The following ZFR2 variants were observed in gnomAD, a reference collection of about 807,000 sequenced individuals.
ZFR2 encodes the protein zinc finger RNA-binding protein 2.
A neutral mutation model predicts 105.7 loss-of-function variants in ZFR2; 104 were observed. The observed-to-expected ratio is 0.98, with a 90% CI of 0.84 to 1.16. ZFR2 has a LOEUF of 1.16. ZFR2 is among the 50% of genes most tolerant of loss of function. The probability of loss-of-function intolerance (pLI) is 0.00; values close to 1 mark genes in which losing one functional copy is unlikely to be tolerated. For synonymous variants in ZFR2, 634 were observed against 597.7 expected, an observed-to-expected ratio of 1.06 and a Z score of -0.89; for missense variants, 1,425 against 1,355.5, an observed-to-expected ratio of 1.05 and a Z score of -0.80.
chr19:3,810,149 G>A (rs1490249571), intron 16 of ZFR2, among the ~76,000 whole-genome samples: 1 of 152,144 alleles, frequency 6.6e-6, no homozygotes, highest in Non-Finnish European at 1.5e-5. Context: ...TCCAGCATGA[G>A]ATGGGGGACG....
chr19:3,843,696 G>T (rs12608496), intron 1 of ZFR2, among the ~76,000 whole-genome samples: 22,636 of 151,432 alleles, frequency 0.15, 2,028 homozygotes, highest in East Asian at 0.26. Flanking sequence ...TTAGCTGGGC[G>T]TGGTGGCGGG....
chr19:3,831,069 ACACACATATG>A (rs1211500833), intron 5 of ZFR2, among the ~76,000 whole-genome samples: 4 of 151,970 alleles, frequency 2.6e-5, no homozygotes, highest in Non-Finnish European at 5.9e-5. Flanking sequence ...TCACGTTTGC[ACACACATATG>A]CACACATATA....
rs762803107 is a variant in ZFR2 at position 3,835,026 on chromosome 19, G to A, written c.54-43C>T. ...CACCAAAGCCCCACCAGGTTAGAGC[G>A]AGTTCTCAGGTGCACTGAGTTGACG... On this transcript the variant is annotated intron_variant, in intron 1 of 18. Coordinates refer to ENST00000262961, the MANE Select transcript of ZFR2 (RefSeq NM_015174.2). The A allele has an allele frequency of 2.8e-5, 44 of 1,565,792 alleles. No individual in the cohort carries two copies. The South Asian group carries it at 4.1e-4, about 14-fold the overall frequency.
intron 1 of ZFR2, among the ~76,000 whole-genome samples, chr19:3,850,316 G>A (rs978333403): frequency 1.3e-5 from 2 of 152,076 alleles, no homozygotes; most frequent in African/African-American, 2.4e-5. Context: ...TGGGTGCTGA[G>A]GGACAGAGGT....
chr19:3,820,447 A>G (rs1380663168), intron 10 of ZFR2, among the ~76,000 whole-genome samples, 157 bp from the exon 11 acceptor site: 1 of 152,194 alleles, frequency 6.6e-6, no homozygotes, highest in African/African-American at 2.4e-5. Flanking sequence ...TGCTGTATGC[A>G]CAGAAGACTG....
At chr19:3,867,993 C>T (rs2038452411) in intron 1 of ZFR2, among the ~76,000 whole-genome samples, 1 of 151,900 alleles carries the variant, frequency 6.6e-6, no homozygotes, top group African/African-American at 2.4e-5. Context: ...TGTTGCTGCC[C>T]CCTGCCCAGT....
At chr19:3,831,943 G>T in intron 3 of ZFR2, 65 bp from the exon 4 acceptor site, 1 of 1,370,776 alleles carries the variant, frequency 7.3e-7, no homozygotes, top group Non-Finnish European at 9.7e-7. Flanking sequence ...ACCTGCAGAT[G>T]GGCCCTGGAC....
rs1244808449 is a variant in ZFR2, at chr19:3,823,138, G to A, written c.1371+108C>T. The A allele has an allele frequency of 2.3e-5, 35 of 1,503,348 alleles. No individual in the cohort carries two copies. The highest frequency in any genetic ancestry group is 3.0e-5 in the Non-Finnish European group (33 of 1,094,900). 93.1% of individuals were successfully genotyped at this position (1,503,348 alleles called of 1,614,324 possible). On this transcript the variant is annotated intron_variant, in intron 8 of 18. Transcript: ENST00000262961. This position sits in a 1 kb window ranked among gnomAD's most constrained non-coding sequence, Gnocchi z 5.4. ...CTGGCCTGTGCAGCTCAGGAACGGG[G>A]ATGGGTCTGTAAATCTCGCTGGGAG...
chr19:3,822,050 C>G (rs893824513), intron 9 of ZFR2, 31 bp downstream of exon 9: 1 of 1,567,660 alleles, frequency 6.4e-7, no homozygotes, highest in African/African-American at 1.4e-5. Flanking sequence ...ACAGCCCGGA[C>G]GGGTGTCGGA....
chr19:3,823,139 A>T lies in ZFR2; in HGVS notation c.1371+107T>A. 6.6e-7 allele frequency: 1 copy of T among 1,506,670 alleles called. No individual in the cohort carries two copies. The highest frequency in any genetic ancestry group is 1.2e-5 in the South Asian group (1 of 86,190). 93.3% of individuals were successfully genotyped at this position (1,506,670 alleles called of 1,614,324 possible). On this transcript the variant is annotated intron_variant, in intron 8 of 18. Coordinates refer to ENST00000262961, the MANE Select transcript of ZFR2 (RefSeq NM_015174.2). The surrounding 1 kb of genome is among the most constrained non-coding windows in gnomAD (Gnocchi z 5.4). ...TGGCCTGTGCAGCTCAGGAACGGGG[A>T]TGGGTCTGTAAATCTCGCTGGGAGA...
At chr19:3,812,995 G>A (rs746807277) in intron 14 of ZFR2, among the ~76,000 whole-genome samples, 37 of 152,266 alleles carry the variant, frequency 2.4e-4, no homozygotes, top group African/African-American at 6.3e-4. Flanking sequence ...CAGGAGAATC[G>A]CTTGAACCCA....
Position 3,831,717 on chromosome 19 carries a change from A to G in ZFR2, c.541T>C (p.Ser181Pro). 6.3e-7 allele frequency: 1 copy of G among 1,597,112 alleles called. No homozygotes were observed. The highest frequency in any genetic ancestry group is 1.1e-5 in the South Asian group (1 of 88,186). Reference protein sequence around the residue: ...ATGVQPESSASIVTSYPPPSY... With the variant: ...ATGVQPESSAPIVTSYPPPSY... ...GGCGGGGGGTAGGAGGTCACGATGGAAGCTGACGACTCGGGCTGGACGCCT... is the reference window on the plus strand; with the variant it reads ...GGCGGGGGGTAGGAGGTCACGATGGGAGCTGACGACTCGGGCTGGACGCCT... The change falls in exon 4 of 19, where the codon TCC (serine) becomes CCC (proline). Residue 181 changes from serine (S) to proline (P), a missense_variant. Ser to Pro is a moderately conservative substitution (Grantham distance 74). Transcript: ENST00000262961.
In ZFR2 at chr19:3,805,887, C is replaced by T. The variant is rs1011031116; in HGVS notation, c.*62G>A. 3.5e-6 allele frequency: 5 copies of T among 1,425,100 alleles called. No homozygotes were observed. Among genetic ancestry groups the T allele is most frequent in the East Asian group, 2.8e-5 (1 of 36,116 alleles). The allele number at this position is 1,425,100 out of a possible 1,614,324, so 88.3% of individuals were successfully genotyped here. ...CGTCGGGGATGAAGCAGCCATTGGTCGGCGCGCACACGTCCAGGAGTGCAG... is the reference window on the plus strand; with the variant it reads ...CGTCGGGGATGAAGCAGCCATTGGTTGGCGCGCACACGTCCAGGAGTGCAG... On this transcript the variant is annotated 3_prime_UTR_variant, in exon 19 of 19. Coordinates refer to ENST00000262961, the MANE Select transcript of ZFR2 (RefSeq NM_015174.2).
rs543644769 is a variant in ZFR2, at chr19:3,838,038, C to T, written c.54-3055G>A. ...CTTGATGAACACCGTGACTGTGACA[C>T]ACGATGAACACCATGACCGTGACAC... is the stretch of plus-strand genomic sequence containing the variant. On this transcript the variant is annotated intron_variant, in intron 1 of 18. Coordinates refer to ENST00000262961, the MANE Select transcript of ZFR2 (RefSeq NM_015174.2). This position sits in a 1 kb window ranked among gnomAD's most constrained non-coding sequence, Gnocchi z 4.9. 5.3e-5 allele frequency among the ~76,000 whole-genome samples: 8 copies of T among 151,130 alleles called. No individual in the cohort carries two copies. The highest frequency in any genetic ancestry group is 2.1e-4 in the South Asian group (1 of 4,766).
chr19:3,845,325 A>G (rs530202603), intron 1 of ZFR2, among the ~76,000 whole-genome samples: 1 of 151,982 alleles, frequency 6.6e-6, no homozygotes, highest in Non-Finnish European at 1.5e-5. Flanking sequence ...TTTTTATTAC[A>G]GAAGTATAAA....
At chr19:3,806,715 C>G (rs1240223720) in intron 18 of ZFR2, among the ~76,000 whole-genome samples, 1 of 152,258 alleles carries the variant, frequency 6.6e-6, no homozygotes, top group Non-Finnish European at 1.5e-5. Context: ...ACATCCTGCA[C>G]TGCAAGCCAT....
Position 3,823,663 on chromosome 19 carries a change from C to T in ZFR2, c.1214-260G>A, listed in dbSNP as rs2037919621. ...TGGTTTTAGGCCCTCGCTTGAGGAA[C>T]CCACCGACAGCACAAAATCCACAGT... On this transcript the variant is annotated intron_variant, in intron 7 of 18. Coordinates refer to ENST00000262961, the MANE Select transcript of ZFR2 (RefSeq NM_015174.2). The surrounding 1 kb of genome is among the most constrained non-coding windows in gnomAD (Gnocchi z 5.4). Among the ~76,000 whole-genome samples, 1 of 152,126 alleles carries T rather than the reference C, an allele frequency of 6.6e-6. No individual in the cohort carries two copies. The highest frequency in any genetic ancestry group is 1.5e-5 in the Non-Finnish European group (1 of 68,038).
At chr19:3,819,852 C>CAAAAAAAAAAAAAAAA (rs1555754315) in intron 11 of ZFR2, among the ~76,000 whole-genome samples, 148 of 138,580 alleles carry the variant, frequency 1.1e-3, no homozygotes, top group African/African-American at 3.7e-3. Context: ...GACTCTGTCT[C>CAAAAAAAAAAAAAAAA]AAAAAAAAAT....
rs367803832 is a variant in ZFR2 at position 3,823,454 on chromosome 19, C to T, written c.1214-51G>A. 41 of 1,523,894 alleles carry T rather than the reference C, an allele frequency of 2.7e-5. No homozygotes were observed. The highest frequency in any genetic ancestry group is 3.5e-5 in the Non-Finnish European group (40 of 1,137,156). 94.4% of individuals were successfully genotyped at this position (1,523,894 alleles called of 1,614,324 possible). A position where few individuals can be genotyped will look rare whatever the true frequency, so the allele number is the denominator to read the frequency against. On this transcript the variant is annotated intron_variant, in intron 7 of 18. Transcript: ENST00000262961. The surrounding 1 kb of genome is among the most constrained non-coding windows in gnomAD (Gnocchi z 5.4). ...TACCCTGTTCCAGGAGAAAGCACTGCAGCTGCAGACCCGCCAGGCGGCATG... is the reference window on the plus strand; with the variant it reads ...TACCCTGTTCCAGGAGAAAGCACTGTAGCTGCAGACCCGCCAGGCGGCATG...
Sources: allele counts gnomAD v4.1 joint callset (sites outside exome capture counted in the v4.1 genomes callset), GRCh38; gene constraint gnomAD v4.1.1; non-coding constraint Gnocchi (gnomAD v3.1); transcripts MANE v1.5; gene names NCBI Gene and HGNC (gene_info 2026-07-23, HGNC 2026-07-21).